Variants in DIAPH2 observed in about 807,000 individuals in gnomAD.
The protein encoded by DIAPH2 is protein diaphanous homolog 2.
DIAPH2 carries 35 observed loss-of-function variants against 92.7 expected under a neutral mutation model. That is an observed-to-expected ratio of 0.38 (90% CI 0.29 to 0.50). The LOEUF is 0.50. Ranked by LOEUF, DIAPH2 falls within the 20% of genes least tolerant of loss-of-function variation. DIAPH2 has a pLI of 0.94. For synonymous variants in DIAPH2, 301 were observed against 280.4 expected (o/e 1.07, Z -0.73); for missense variants, 701 against 819.5 (o/e 0.86, Z 1.77).
chrX:97,550,699 C>T (rs2147862840), intron 26 of DIAPH2, among the ~76,000 whole-genome samples: 1 of 112,400 alleles, frequency 8.9e-6, no homozygotes, highest in East Asian at 2.8e-4. Context: ...TCCCAAATAA[C>T]CTCTGCCAAC....
At chrX:97,575,431 G>A (rs965736596) in intron 26 of DIAPH2, among the ~76,000 whole-genome samples, 14 of 111,879 alleles carry the variant, frequency 1.3e-4, no homozygotes, top group Non-Finnish European at 2.6e-4. Flanking sequence ...TAGTCATAAG[G>A]GATTAGAGCC....
intron 24 of DIAPH2, among the ~76,000 whole-genome samples, chrX:97,355,104 T>C (rs1248485428): frequency 8.9e-6 from 1 of 112,105 alleles, no homozygotes; most frequent in Admixed American, 9.5e-5. Context: ...GTAGCCATGT[T>C]GGCTTATGGA....
intron 4 of DIAPH2, among the ~76,000 whole-genome samples, chrX:96,859,545 ATAT>A (rs2065059769): frequency 9.0e-6 from 1 of 110,905 alleles, no homozygotes; most frequent in South Asian, 3.7e-4. Flanking sequence ...AAAAAGGGAG[ATAT>A]TATAATAGCA....
chrX:97,123,306 A>G (rs2067070205), intron 21 of DIAPH2, among the ~76,000 whole-genome samples: 1 of 112,065 alleles, frequency 8.9e-6, no homozygotes, highest in Admixed American at 9.5e-5. Flanking sequence ...CAGTGGTGAC[A>G]TTCTGGATTC....
chrX:96,874,988 C>G (rs1000872003), intron 4 of DIAPH2, among the ~76,000 whole-genome samples: 1 of 111,757 alleles, frequency 8.9e-6, no homozygotes, highest in Admixed American at 9.6e-5. Context: ...CAACATGATG[C>G]CACAAATGGA....
chrX:97,597,516 G>C (rs181333297), intron 26 of DIAPH2, among the ~76,000 whole-genome samples: 74 of 111,466 alleles, frequency 6.6e-4, no homozygotes, highest in Non-Finnish European at 1.3e-3. Context: ...GTGGATGCCT[G>C]TTGACCTTAG....
At chrX:96,775,353 T>TTGTGTGTGTGTGTGTGTGTGTGTG (rs60441028) in intron 4 of DIAPH2, among the ~76,000 whole-genome samples, 6 of 89,390 alleles carry the variant, frequency 6.7e-5, no homozygotes, top group South Asian at 6.7e-4. Context: ...CAACGTGTGC[T>TTGTGTGTGTGTGTGTGTGTGTGTG]TGTGTGTGTG....
intron 26 of DIAPH2, among the ~76,000 whole-genome samples, chrX:97,433,228 A>T (rs961920942): frequency 9.0e-6 from 1 of 110,976 alleles, no homozygotes; most frequent in Non-Finnish European, 1.9e-5. Context: ...AAAAACAAAA[A>T]GGCTGGGCGT....
chrX:97,596,991 TA>T (rs1358281048), intron 26 of DIAPH2, among the ~76,000 whole-genome samples: 2 of 112,247 alleles, frequency 1.8e-5, no homozygotes, highest in Non-Finnish European at 3.8e-5. Flanking sequence ...AGTTTTAACA[TA>T]AATACAGAGA....
intron 17 of DIAPH2, among the ~76,000 whole-genome samples, chrX:97,006,406 G>A (rs192633173): frequency 8.9e-6 from 1 of 112,173 alleles, no homozygotes; most frequent in Admixed American, 9.4e-5. Flanking sequence ...ATTGCATAGG[G>A]TTCTATCTTT....
intron 26 of DIAPH2, among the ~76,000 whole-genome samples, chrX:97,509,615 G>A (rs1296315087): frequency 9.6e-6 from 1 of 103,919 alleles, no homozygotes; most frequent in East Asian, 3.0e-4. Context: ...CCATTAACTC[G>A]TCATTTAGCA....
At chrX:97,430,242 C>T (rs187818333) in intron 26 of DIAPH2, among the ~76,000 whole-genome samples, 52 of 111,634 alleles carry the variant, frequency 4.7e-4, no homozygotes, top group African/African-American at 1.7e-3. Flanking sequence ...CCCCTCAAAT[C>T]CCAAAGTTTT....
intron 16 of DIAPH2, among the ~76,000 whole-genome samples, chrX:96,961,500 G>A (rs1373617564): frequency 1.2e-5 from 1 of 83,585 alleles, no homozygotes; most frequent in Non-Finnish European, 2.4e-5. Context: ...TTGCTCTTTT[G>A]TATTATATTT....
intron 17 of DIAPH2, among the ~76,000 whole-genome samples, chrX:97,067,043 G>C (rs966382512): frequency 1.8e-5 from 2 of 111,339 alleles, no homozygotes; most frequent in Non-Finnish European, 3.8e-5. Context: ...TGGTTAGTGT[G>C]CAGCTGTAGG....
At chrX:96,944,784 T>G (rs977831051) in intron 13 of DIAPH2, among the ~76,000 whole-genome samples, 2 of 111,430 alleles carry the variant, frequency 1.8e-5, no homozygotes, top group Non-Finnish European at 3.8e-5. Context: ...TGTATACACT[T>G]GTTGATGGCC....
chrX:97,073,788 A>G (rs1227389852), intron 18 of DIAPH2, among the ~76,000 whole-genome samples: 1 of 112,524 alleles, frequency 8.9e-6, no homozygotes, highest in Non-Finnish European at 1.9e-5. Flanking sequence ...GGGAATCATT[A>G]CAATAAACAA....
intron 22 of DIAPH2, among the ~76,000 whole-genome samples, chrX:97,204,938 G>A (rs903466594): frequency 2.7e-5 from 3 of 111,785 alleles, no homozygotes; most frequent in Non-Finnish European, 5.6e-5. Flanking sequence ...CAAGGCTGTA[G>A]TAACCAAAAC....
At chrX:97,303,764 T>C (rs2068725191) in intron 23 of DIAPH2, among the ~76,000 whole-genome samples, 1 of 112,110 alleles carries the variant, frequency 8.9e-6, no homozygotes, top group South Asian at 3.7e-4. Flanking sequence ...GCTATTTTTA[T>C]TGTAAATCTA....
intron 17 of DIAPH2, 125 bp from the exon 18 acceptor site, chrX:97,072,816 G>T (rs777748691): frequency 2.4e-6 from 1 of 412,336 alleles, no homozygotes; most frequent in African/African-American, 2.6e-5. Context: ...TTGAGCTAAT[G>T]AAATCAACAC....
Sources: gnomAD v4.1 joint callset for allele counts (sites outside exome capture counted in the v4.1 genomes callset) on GRCh38, gnomAD v4.1.1 for gene constraint, MANE v1.5 for transcripts, NCBI Gene and HGNC (gene_info 2026-07-23, HGNC 2026-07-21) for gene names.